Variants in ANO3 observed in about 807,000 individuals in gnomAD.
The protein encoded by ANO3 is anoctamin 3.
In ANO3, 99 loss-of-function variants were observed where a neutral mutation model predicts 144.8. The observed-to-expected ratio is 0.68, with a 90% CI of 0.58 to 0.81. ANO3 has a LOEUF of 0.81. Ranked by LOEUF, ANO3 falls within the 30% of genes least tolerant of loss-of-function variation. ANO3 has a pLI of 0.00. For synonymous variants in ANO3, 414 were observed against 392.6 expected, an observed-to-expected ratio of 1.05 and a Z score of -0.64; for missense variants, 905 against 1,202.2, an observed-to-expected ratio of 0.75 and a Z score of 3.66.
chr11:26,605,360 A>G (rs12285305), intron 17 of ANO3, among the ~76,000 whole-genome samples: 2,529 of 151,962 alleles, frequency 0.017, 70 homozygotes, highest in African/African-American at 0.057. Flanking sequence ...TTTCACACCA[A>G]TGTCAGGGAT....
rs415964 is a variant in ANO3 at position 26,541,634 on chromosome 11, T to C, written c.1033-313T>C. Among the ~76,000 whole-genome samples the C allele has an allele frequency of 0.71, 107,400 of 151,308 alleles. 38,388 individuals are homozygous for C. Among genetic ancestry groups the C allele is most frequent in the East Asian group, 0.84 (4,293 of 5,114 alleles). ...TTATCACAATTTCTCTCAATGATGG[T>C]GAAGATATTGTGTTTATTAAAAGAC... On this transcript the variant is annotated intron_variant, in intron 10 of 26. Transcript: ENST00000256737.
At chr11:26,191,335 TACACACACAC>T (rs746463223) in intron 1 of ANO3, among the ~76,000 whole-genome samples, 3 of 144,126 alleles carry the variant, frequency 2.1e-5, no homozygotes, top group South Asian at 2.2e-4. Flanking sequence ...TATACACACA[TACACACACAC>T]ACACACACAC....
chr11:26,237,038 A>G (rs1419489476), intron 1 of ANO3, among the ~76,000 whole-genome samples: 1 of 152,040 alleles, frequency 6.6e-6, no homozygotes, highest in Admixed American at 6.6e-5. Flanking sequence ...TTCTCCTACA[A>G]TTCCAAGTAA....
chr11:26,413,699 T>C (rs1857493277), intron 1 of ANO3, among the ~76,000 whole-genome samples: 1 of 152,062 alleles, frequency 6.6e-6, no homozygotes. Context: ...GTTTTCTTAT[T>C]TCTAATTATT....
At chr11:26,627,597 A>G (rs1483026278) in intron 18 of ANO3, among the ~76,000 whole-genome samples, 1 of 152,054 alleles carries the variant, frequency 6.6e-6, no homozygotes, top group African/African-American at 2.4e-5. Flanking sequence ...AAGCAAATCT[A>G]AGGAGAATGA....
intron 1 of ANO3, among the ~76,000 whole-genome samples, chr11:26,227,709 A>G (rs1852284662): frequency 6.6e-6 from 1 of 152,106 alleles, no homozygotes; most frequent in African/African-American, 2.4e-5. Context: ...TCTGGCAGAC[A>G]TTTCTCTTCA....
At chr11:26,237,818 T>C (rs1435133761) in intron 1 of ANO3, among the ~76,000 whole-genome samples, 1 of 152,148 alleles carries the variant, frequency 6.6e-6, no homozygotes, top group East Asian at 1.9e-4. Flanking sequence ...AAGTATTCTA[T>C]AATTTATAAT....
At chr11:26,364,194 T>G (rs931495462) in intron 1 of ANO3, among the ~76,000 whole-genome samples, 1 of 151,944 alleles carries the variant, frequency 6.6e-6, no homozygotes, top group East Asian at 1.9e-4. Context: ...AAATAAGAAA[T>G]TTTTTTTAGT....
At chr11:26,192,079 G>A in intron 1 of ANO3, among the ~76,000 whole-genome samples, 1 of 152,080 alleles carries the variant, frequency 6.6e-6, no homozygotes, top group Non-Finnish European at 1.5e-5. Flanking sequence ...TTTAAGTCAA[G>A]TTATATATGT....
chr11:26,576,671 C>T (rs536595821), intron 14 of ANO3, among the ~76,000 whole-genome samples: 57 of 152,236 alleles, frequency 3.7e-4, no homozygotes, highest in African/African-American at 1.4e-3. Flanking sequence ...TTCTTCATAG[C>T]ACTTATTGCC....
chr11:26,194,264 C>G (rs1851534353), intron 1 of ANO3, among the ~76,000 whole-genome samples: 1 of 152,012 alleles, frequency 6.6e-6, no homozygotes, highest in Non-Finnish European at 1.5e-5. Flanking sequence ...ACAGTTATCC[C>G]CAGGAATATC....
chr11:26,381,944 CA>C (rs1255120215), intron 1 of ANO3, among the ~76,000 whole-genome samples: 2 of 151,664 alleles, frequency 1.3e-5, no homozygotes, highest in Admixed American at 6.6e-5. Context: ...CCTTTGATGT[CA>C]AAAAAAGATT....
At chr11:26,290,835 T>A (rs2133853557) in intron 1 of ANO3, among the ~76,000 whole-genome samples, 1 of 152,302 alleles carries the variant, frequency 6.6e-6, no homozygotes, top group Middle Eastern at 3.4e-3. Context: ...TCCAACAATG[T>A]GGACAATTTT....
chr11:26,270,492 A>G (rs901925467), intron 1 of ANO3, among the ~76,000 whole-genome samples: 2 of 152,018 alleles, frequency 1.3e-5, no homozygotes, highest in Non-Finnish European at 2.9e-5. Flanking sequence ...TACGATCAAA[A>G]TCTCTCTCTT....
At chr11:26,251,007 T>C (rs144084466) in intron 1 of ANO3, among the ~76,000 whole-genome samples, 1 of 152,150 alleles carries the variant, frequency 6.6e-6, no homozygotes, top group Non-Finnish European at 1.5e-5. Flanking sequence ...CGTGACTGAC[T>C]GGGAGCTGTG....
intron 1 of ANO3, among the ~76,000 whole-genome samples, chr11:26,284,373 G>C (rs1169213985): frequency 6.6e-6 from 1 of 152,160 alleles, no homozygotes; most frequent in South Asian, 2.1e-4. Context: ...GGGAGAAAGA[G>C]GATTCTAATT....
chr11:26,607,307 A>G (rs2132952241), intron 17 of ANO3, among the ~76,000 whole-genome samples: 1 of 152,236 alleles, frequency 6.6e-6, no homozygotes, highest in Non-Finnish European at 1.5e-5. Context: ...CTTCGGGTTA[A>G]TCCTCTCGTG....
At chr11:26,326,783 A>AT (rs1854896082) in intron 1 of ANO3, among the ~76,000 whole-genome samples, 1 of 152,220 alleles carries the variant, frequency 6.6e-6, no homozygotes, top group Non-Finnish European at 1.5e-5. Context: ...CAGAAGAGAC[A>AT]TTAGCAACAA....
At chr11:26,195,233 T>A (rs1851561519) in intron 1 of ANO3, among the ~76,000 whole-genome samples, 1 of 152,204 alleles carries the variant, frequency 6.6e-6, no homozygotes, top group Non-Finnish European at 1.5e-5. Context: ...CAGTAATTTG[T>A]CTTGAATTCA....
Sources: allele counts gnomAD v4.1 joint callset (sites outside exome capture counted in the v4.1 genomes callset), GRCh38; gene constraint gnomAD v4.1.1; transcripts MANE v1.5; gene names NCBI Gene and HGNC (gene_info 2026-07-23, HGNC 2026-07-21).